Variants in INPP4B observed in about 807,000 individuals in gnomAD.
INPP4B encodes the protein inositol polyphosphate 4-phosphatase type II.
Under a neutral mutation model 122.5 loss-of-function variants are expected in INPP4B, and 55 were observed. That is an observed-to-expected ratio of 0.45 (90% CI 0.36 to 0.56). The LOEUF (loss-of-function observed/expected upper bound fraction) is 0.56, where lower values mean the gene tolerates loss of function less well. INPP4B is among the 20% of genes least tolerant of loss of function. The pLI is 0.00. For missense variants in INPP4B, 1,000 were observed against 1,097.7 expected, an observed-to-expected ratio of 0.91 and a Z score of 1.26; for synonymous variants, 403 against 388.7, an observed-to-expected ratio of 1.04 and a Z score of -0.43.
chr4:142,049,152 AAAAAAATGTAATG>A lies in INPP4B; in HGVS notation c.2643-20251_2643-20239del, dbSNP rs569049426. On this transcript the variant is annotated intron_variant, in intron 25 of 25. Coordinates refer to ENST00000262992, the MANE Select transcript of INPP4B (RefSeq NM_001101669.3). ...CCAGAAAGCATTTTTACAGTAATTAAAAAAAATGTAATGGAAGAATGTAATGGAAGAATCCTAT... is the reference window on the plus strand; with the variant it reads ...CCAGAAAGCATTTTTACAGTAATTAAGAAGAATGTAATGGAAGAATCCTAT... Among the ~76,000 whole-genome samples the A allele has an allele frequency of 1.4e-4, 21 of 152,038 alleles. No homozygotes were observed. In the East Asian group the frequency reaches 3.7e-3, roughly 27 times the overall value.
At chr4:142,314,591 C>T in intron 8 of INPP4B, 121 bp downstream of exon 8, 2 of 891,090 alleles carry the variant, frequency 2.2e-6, no homozygotes, top group Non-Finnish European at 3.6e-6. Flanking sequence ...CCTTGAAGAG[C>T]CACACCCTGT....
rs1818782563 is a variant in INPP4B at position 142,471,296 on chromosome 4, T to A, written c.-190-8570A>T. Among the ~76,000 whole-genome samples, 7 of 152,338 alleles carry A rather than the reference T, an allele frequency of 4.6e-5. No individual in the cohort carries two copies. In the South Asian group the frequency reaches 1.5e-3, roughly 32 times the overall value. On this transcript the variant is annotated intron_variant, in intron 2 of 25. Transcript: ENST00000262992. ...TCATGTTTCTACAGCTATAGCTTTTTTTTTAAAGCATTAAATGAAAACAAA... is the reference window on the plus strand; with the variant it reads ...TCATGTTTCTACAGCTATAGCTTTTATTTTAAAGCATTAAATGAAAACAAA...
At chr4:142,663,965 A>G (rs559765713) in intron 2 of INPP4B, among the ~76,000 whole-genome samples, 1 of 152,338 alleles carries the variant, frequency 6.6e-6, no homozygotes, top group African/African-American at 2.4e-5. Flanking sequence ...TTCCAAAAAG[A>G]TGACTAAGAA....
At position 142,177,719 on chromosome 4, in the gene INPP4B, G is replaced by A. The variant is rs868028641; in HGVS notation, c.1182-3910C>T. On this transcript the variant is annotated intron_variant, in intron 15 of 25. Coordinates refer to ENST00000262992, the MANE Select transcript of INPP4B (RefSeq NM_001101669.3). ...TGCACACCTACATCCCCATCCTCACGTTTGTGTGTGTATATGTTGTTACTA... is the reference window on the plus strand; with the variant it reads ...TGCACACCTACATCCCCATCCTCACATTTGTGTGTGTATATGTTGTTACTA... 1.6e-4 allele frequency among the ~76,000 whole-genome samples: 25 copies of A among 151,652 alleles called. 1 individual carries two copies. Among genetic ancestry groups the A allele is most frequent in the Admixed American group, 3.9e-4 (6 of 15,202 alleles).
chr4:142,631,614 T>TA (rs901814367), intron 2 of INPP4B, among the ~76,000 whole-genome samples: 6 of 151,404 alleles, frequency 4.0e-5, no homozygotes, highest in South Asian at 2.1e-4. Flanking sequence ...GCATGACAAA[T>TA]AAAAAAAATC....
intron 2 of INPP4B, among the ~76,000 whole-genome samples, chr4:142,621,905 A>G (rs1383196773): frequency 6.6e-6 from 1 of 151,954 alleles, no homozygotes; most frequent in African/African-American, 2.4e-5. Flanking sequence ...TCTGAAGAAA[A>G]AAATCTACAG....
intron 12 of INPP4B, among the ~76,000 whole-genome samples, chr4:142,213,001 C>T (rs966981175): frequency 2.0e-5 from 3 of 152,168 alleles, no homozygotes; most frequent in African/African-American, 7.2e-5. Context: ...ACCATCAGGC[C>T]TATGGCTGTT....
intron 1 of INPP4B, among the ~76,000 whole-genome samples, chr4:142,792,422 T>C (rs1776682063): frequency 6.6e-6 from 1 of 152,122 alleles, no homozygotes; most frequent in Non-Finnish European, 1.5e-5. Context: ...CTAATTTCAC[T>C]TAGCATTTTA....
chr4:142,838,579 A>G (rs1053045892), intron 1 of INPP4B, among the ~76,000 whole-genome samples: 3 of 152,200 alleles, frequency 2.0e-5, no homozygotes, highest in African/African-American at 4.8e-5. Flanking sequence ...TCAAAAAAGT[A>G]TGTATCTAAT....
chr4:142,373,866 A>G (rs1790830389), intron 7 of INPP4B, among the ~76,000 whole-genome samples: 3 of 151,946 alleles, frequency 2.0e-5, no homozygotes, highest in Admixed American at 2.0e-4. Context: ...AACTTTTCCA[A>G]AGTTAATTAT....
chr4:142,658,363 C>T (rs187562054), intron 2 of INPP4B, among the ~76,000 whole-genome samples: 4 of 152,256 alleles, frequency 2.6e-5, no homozygotes, highest in Non-Finnish European at 5.9e-5. Context: ...TCAAGTAAAA[C>T]AAGGGCTAAC....
chr4:142,160,216 G>C (rs1055106673), intron 17 of INPP4B, 142 bp downstream of exon 17: 12 of 525,984 alleles, frequency 2.3e-5, no homozygotes, highest in Middle Eastern at 1.1e-3. Context: ...TTGCCCCTAA[G>C]GAAAAATGTG....
At chr4:142,403,095 G>T (rs779406191) in intron 6 of INPP4B, 41 bp from the exon 7 acceptor site, 5 of 1,105,282 alleles carry the variant, frequency 4.5e-6, no homozygotes, top group Non-Finnish European at 7.0e-6. Flanking sequence ...CAATAAGGCA[G>T]CAACTGTAGT....
At chr4:142,595,636 G>T (rs1738531530) in intron 2 of INPP4B, among the ~76,000 whole-genome samples, 1 of 152,084 alleles carries the variant, frequency 6.6e-6, no homozygotes, top group South Asian at 2.1e-4. Flanking sequence ...AAACAGAACT[G>T]CCCTGAACAA....
At chr4:142,228,318 ATATAT>A (rs58785054) in intron 12 of INPP4B, among the ~76,000 whole-genome samples, 3,328 of 152,216 alleles carry the variant, frequency 0.022, 132 homozygotes, top group African/African-American at 0.074. Flanking sequence ...TACAAATCAA[ATATAT>A]TACTTTTTTA....
At chr4:142,799,976 A>G (rs1337124248) in intron 1 of INPP4B, among the ~76,000 whole-genome samples, 1 of 152,062 alleles carries the variant, frequency 6.6e-6, no homozygotes, top group African/African-American at 2.4e-5. Context: ...GATTATTTTC[A>G]CAGCTTAAAT....
intron 14 of INPP4B, among the ~76,000 whole-genome samples, chr4:142,195,092 T>C (rs1431570110): frequency 6.6e-6 from 1 of 152,174 alleles, no homozygotes; most frequent in Non-Finnish European, 1.5e-5. Context: ...ATATACAGAA[T>C]GACTAAAAAT....
intron 15 of INPP4B, among the ~76,000 whole-genome samples, chr4:142,174,051 G>A (rs1826840945): frequency 6.6e-6 from 1 of 152,028 alleles, no homozygotes; most frequent in Non-Finnish European, 1.5e-5. Context: ...TACTTGACGT[G>A]ATTACATATA....
At chr4:142,447,584 T>A (rs1451173909) in intron 3 of INPP4B, among the ~76,000 whole-genome samples, 3 of 152,058 alleles carry the variant, frequency 2.0e-5, no homozygotes, top group African/African-American at 4.8e-5. Context: ...ATCAATGGTG[T>A]TAGATGAGTA....
Sources: gnomAD v4.1 joint callset for allele counts (sites outside exome capture counted in the v4.1 genomes callset) on GRCh38, gnomAD v4.1.1 for gene constraint, MANE v1.5 for transcripts, NCBI Gene and HGNC (gene_info 2026-07-23, HGNC 2026-07-21) for gene names.